LSR: variants seen among roughly 807,000 people sequenced by gnomAD.
LSR encodes lipolysis stimulated lipoprotein receptor.
In LSR, 44 loss-of-function variants were observed where a neutral mutation model predicts 61.8. That is an observed-to-expected ratio of 0.71 (90% CI 0.56 to 0.91). The LOEUF (loss-of-function observed/expected upper bound fraction) is 0.91, where lower values mean the gene tolerates loss of function less well. Among genes scored for constraint, LSR ranks in the 40% least tolerant of loss-of-function variants. LSR has a pLI of 0.00. For missense variants in LSR, 911 were observed against 830.5 expected, an observed-to-expected ratio of 1.10 and a Z score of -1.19; for synonymous variants, 397 against 350.6, an observed-to-expected ratio of 1.13 and a Z score of -1.48.
At chr19:35,265,002 C>G (rs1484009459) in intron 5 of LSR, among the ~76,000 whole-genome samples, 1 of 152,122 alleles carries the variant, frequency 6.6e-6, no homozygotes, top group Non-Finnish European at 1.5e-5. Context: ...TAGGTCCTGA[C>G]TTCATGGGTT....
At chr19:35,259,174 G>A in intron 3 of LSR, 110 bp downstream of exon 3, 1 of 1,400,178 alleles carries the variant, frequency 7.1e-7, no homozygotes, top group Non-Finnish European at 9.6e-7. Context: ...TCTGGGCTCT[G>A]TCGCCTGCTC....
chr19:35,267,058 C>A (rs1375249671), intron 8 of LSR, 51 bp from the exon 9 acceptor site: 1 of 1,537,180 alleles, frequency 6.5e-7, no homozygotes, highest in African/African-American at 1.4e-5. Context: ...TTGGTGCAAA[C>A]CCTGGACCCC....
chr19:35,265,424 C>A (rs1452495155), intron 5 of LSR, among the ~76,000 whole-genome samples: 3 of 152,226 alleles, frequency 2.0e-5, no homozygotes, highest in African/African-American at 7.2e-5. Flanking sequence ...CTTCAGGAGG[C>A]AGCAGGTCCC....
intron 5 of LSR, chr19:35,264,652 C>G (rs1050370167): frequency 6.6e-6 from 1 of 152,370 alleles, no homozygotes; most frequent in Non-Finnish European, 1.5e-5. Context: ...GCAATCCTTG[C>G]AAGCATGGGC....
In LSR at chr19:35,249,376, C is replaced by T. The variant is rs932337649; in HGVS notation, c.109+245C>T. 9.7e-6 allele frequency: 5 copies of T among 513,264 alleles called. No individual in the cohort carries two copies. The South Asian group carries it at 1.2e-4, about 12-fold the overall frequency. The allele number at this position is 513,264 out of a possible 1,614,324, so 31.8% of individuals were successfully genotyped here. On this transcript the variant is annotated intron_variant, in intron 1 of 9. Transcript: ENST00000605618. ...AGTGAAACTCCCTGGACGGTGAGAC[C>T]CGGAGCGGCAGGGAGAATGGAACTC...
At chr19:35,252,070 G>A (rs2065800793) in intron 2 of LSR, among the ~76,000 whole-genome samples, 2 of 151,212 alleles carry the variant, frequency 1.3e-5, no homozygotes, top group Admixed American at 6.6e-5. Context: ...TCCTGACCTC[G>A]TGATCCGCCC....
chr19:35,267,048 T>C (rs2066014542), intron 8 of LSR, 61 bp from the exon 9 acceptor site: 2 of 1,550,274 alleles, frequency 1.3e-6, no homozygotes, highest in East Asian at 4.5e-5. Context: ...GCAGGGACTC[T>C]TGGTGCAAAC....
intron 5 of LSR, chr19:35,264,580 G>C (rs569740496): frequency 4.6e-5 from 7 of 152,308 alleles, no homozygotes; most frequent in African/African-American, 1.7e-4. Flanking sequence ...CCTTCAGGAG[G>C]GTGTCTGGGT....
At position 35,249,020 on chromosome 19, in the gene LSR, G is replaced by T; in HGVS notation, c.-3G>T. On this transcript the variant is annotated 5_prime_UTR_variant, in exon 1 of 10. Coordinates refer to ENST00000605618, the MANE Select transcript of LSR (RefSeq NM_205834.4). ...GCGGGCCAGACGCGCCCAGACGGCC[G>T]CGATGGCGCTGTTGGCCGGCGGGCT... 6.2e-7 allele frequency: 1 copy of T among 1,606,440 alleles called. No individual in the cohort carries two copies. The highest frequency in any genetic ancestry group is 8.5e-7 in the Non-Finnish European group (1 of 1,176,890).
rs767547293 is a variant in LSR, at chr19:35,267,289, G to T, written c.1325G>T (p.Arg442Leu). 4.6e-6 allele frequency: 7 copies of T among 1,523,730 alleles called. No homozygotes were observed. Among genetic ancestry groups the T allele is most frequent in the Non-Finnish European group, 6.2e-6 (7 of 1,134,038 alleles). 94.4% of individuals were successfully genotyped at this position (1,523,730 alleles called of 1,614,324 possible). ...AGGGWRARRP[R>L]ARSVDALDDL... ...GGGGGCTGGCGGGCCAGGCGGCCCCGGGCCCGCTCCGTGGACGCCCTGGAC... is the reference window on the plus strand; with the variant it reads ...GGGGGCTGGCGGGCCAGGCGGCCCCTGGCCCGCTCCGTGGACGCCCTGGAC... The change falls in exon 9 of 10, where the codon CGG becomes CTG. Residue 442 changes from arginine (R) to leucine (L), a missense_variant. Physicochemically the swap from Arg to Leu is moderately radical, Grantham distance 102. Transcript: ENST00000605618.
At position 35,267,423 on chromosome 19, in the gene LSR, T is replaced by C. The variant is rs760077228; in HGVS notation, c.1459T>C (p.Tyr487His). 5.0e-6 allele frequency: 8 copies of C among 1,610,452 alleles called. No homozygotes were observed. The highest frequency in any genetic ancestry group is 6.8e-6 in the Non-Finnish European group (8 of 1,179,320). The change falls in exon 9 of 10, where the codon TAT (tyrosine) becomes CAT (histidine). Residue 487 changes from tyrosine to histidine, a missense_variant. By Grantham distance (83) the Tyr-to-His change is moderately conservative. Coordinates refer to ENST00000605618, the MANE Select transcript of LSR (RefSeq NM_205834.4). ...PPRSRSRDDL[Y>H]DQDDSRDFPR... ...GCGGAGCCGCAGCCGGGACGACCTCTATGACCAAGACGACTCGAGGGACTT... is the reference window on the plus strand; with the variant it reads ...GCGGAGCCGCAGCCGGGACGACCTCCATGACCAAGACGACTCGAGGGACTT...
At position 35,250,659 on chromosome 19, in the gene LSR, A is replaced by G; in HGVS notation, c.454A>G (p.Asn152Asp). The G allele has an allele frequency of 6.4e-7, 1 of 1,552,340 alleles. No homozygotes were observed. The highest frequency in any genetic ancestry group is 8.8e-7 in the Non-Finnish European group (1 of 1,141,910). Residue 152 changes from asparagine (N) to aspartate (D), a missense_variant and splice_region_variant, in exon 2 of 10, where the codon AAT (asparagine) becomes GAT (aspartate). Transcript: ENST00000605618. Reference protein sequence around the residue: ...YQGRRITITGNADLTFDQTAW... With the variant: ...YQGRRITITGDADLTFDQTAW... ...GGGCCGGAGGATTACCATCACCGGAAGTATGTTGGGCAGGGCAGGGGGATG... is the reference window on the plus strand; with the variant it reads ...GGGCCGGAGGATTACCATCACCGGAGGTATGTTGGGCAGGGCAGGGGGATG...
At position 35,249,148 on chromosome 19, in the gene LSR, C is replaced by T; in HGVS notation, c.109+17C>T. The T allele has an allele frequency of 6.6e-7, 1 of 1,519,202 alleles. No individual in the cohort carries two copies. Among genetic ancestry groups the T allele is most frequent in the South Asian group, 1.3e-5 (1 of 78,982 alleles). The allele number at this position is 1,519,202 out of a possible 1,614,324, so 94.1% of individuals were successfully genotyped here. A position where few individuals can be genotyped will look rare whatever the true frequency, so the allele number is the denominator to read the frequency against. On this transcript the variant is annotated intron_variant, in intron 1 of 9. Transcript: ENST00000605618. Reference sequence around the variant, plus strand: ...GGTGCACAGGTACGGGGCACGGGGCCTCTGACGCTGCGGAACGCCGGAGGG... The same window carrying T: ...GGTGCACAGGTACGGGGCACGGGGCTTCTGACGCTGCGGAACGCCGGAGGG...
At chr19:35,251,042 C>T (rs1392538620) in intron 2 of LSR, among the ~76,000 whole-genome samples, 3 of 152,106 alleles carry the variant, frequency 2.0e-5, no homozygotes, top group Non-Finnish European at 2.9e-5. Context: ...ATGATCTGCC[C>T]GCCTTGGCCT....
intron 4 of LSR, among the ~76,000 whole-genome samples, chr19:35,262,294 G>A (rs999995552): frequency 6.6e-6 from 1 of 152,122 alleles, no homozygotes; most frequent in African/African-American, 2.4e-5. Context: ...TGTGCAGGCT[G>A]CCTCGTTTTC....
Position 35,266,914 on chromosome 19 carries a change from T to C in LSR, c.1091T>C (p.Leu364Pro), listed in dbSNP as rs1470956166. ...MRVLYYMEKE[L>P]ANFDPSRPGP... ...GTCCTGTACTACATGGAGAAGGAGC[T>C]GGCCAACTTCGACCCTTCTCGACCT... is the stretch of plus-strand genomic sequence containing the variant. Residue 364 changes from leucine to proline, a missense_variant, in exon 8 of 10, where the codon CTG becomes CCG. Physicochemically the swap from Leu to Pro is moderately conservative, Grantham distance 98. Transcript: ENST00000605618. The C allele has an allele frequency of 1.2e-6, 2 of 1,613,844 alleles. No individual in the cohort carries two copies. Among genetic ancestry groups the C allele is most frequent in the Non-Finnish European group, 1.7e-6 (2 of 1,179,906 alleles).
intron 4 of LSR, 75 bp from the exon 5 acceptor site, chr19:35,262,471 C>T (rs2065942865): frequency 6.5e-7 from 1 of 1,543,452 alleles, no homozygotes; most frequent in Admixed American, 1.7e-5. Flanking sequence ...TGGCTCCGCA[C>T]CATGTACCCC....
At chr19:35,262,447 C>A in intron 4 of LSR, 99 bp from the exon 5 acceptor site, 1 of 1,393,626 alleles carries the variant, frequency 7.2e-7, no homozygotes, top group Non-Finnish European at 1.0e-6. Flanking sequence ...GCAAATCGTC[C>A]CCGACCTCAG....
rs1171262870 is a variant in LSR at position 35,267,471 on chromosome 19, TACG to T, written c.1513_1515del (p.Asp505del). On this transcript the variant is annotated inframe_deletion, in exon 9 of 10. Coordinates refer to ENST00000605618, the MANE Select transcript of LSR (RefSeq NM_205834.4). ...CTTCCCACGCTCCCGGGACCCCCAC[TACG>T]ACGACTTCAGGTCTCGGGAGCGCCC... 3 of 1,610,798 alleles carry T rather than the reference TACG, an allele frequency of 1.9e-6. No individual in the cohort carries two copies. Among genetic ancestry groups the T allele is most frequent in the African/African-American group, 1.3e-5 (1 of 74,844 alleles).
Sources: allele counts gnomAD v4.1 joint callset (sites outside exome capture counted in the v4.1 genomes callset), GRCh38; gene constraint gnomAD v4.1.1; transcripts MANE v1.5; gene names NCBI Gene and HGNC (gene_info 2026-07-23, HGNC 2026-07-21).